The following MARCHF7 variants were observed in gnomAD, a reference collection of about 807,000 sequenced individuals.
MARCHF7 encodes membrane associated ring-CH-type finger 7, also known as E3 ubiquitin-protein ligase MARCHF7.
MARCHF7 carries 20 observed loss-of-function variants against 76.5 expected under a neutral mutation model. The observed-to-expected ratio is 0.26, with a 90% CI of 0.18 to 0.38. MARCHF7 has a LOEUF of 0.38. Ranked by LOEUF, MARCHF7 falls within the 10% of genes least tolerant of loss-of-function variation. The pLI is 1.00. For synonymous variants in MARCHF7, 295 were observed against 293.0 expected (o/e 1.01, Z -0.07); for missense variants, 797 against 812.9 (o/e 0.98, Z 0.24).
At chr2:159,719,066 C>T (rs1559988544) in intron 3 of MARCHF7, among the ~76,000 whole-genome samples, 1 of 152,136 alleles carries the variant, frequency 6.6e-6, no homozygotes, top group Non-Finnish European at 1.5e-5. Flanking sequence ...CCTTCACCTC[C>T]CCAGGCTCAG....
intron 7 of MARCHF7, among the ~76,000 whole-genome samples, chr2:159,750,353 T>C (rs1705481089): frequency 6.6e-6 from 1 of 152,170 alleles, no homozygotes; most frequent in African/African-American, 2.4e-5. Flanking sequence ...GCTGAAACCC[T>C]GTCTCTATTA....
At chr2:159,716,031 T>G (rs1402802005) in intron 3 of MARCHF7, among the ~76,000 whole-genome samples, 1 of 152,186 alleles carries the variant, frequency 6.6e-6, no homozygotes, top group Non-Finnish European at 1.5e-5. Flanking sequence ...AACATCATAG[T>G]CATATTTTCT....
At chr2:159,737,545 G>A (rs1486956137) in intron 4 of MARCHF7, among the ~76,000 whole-genome samples, 2 of 152,158 alleles carry the variant, frequency 1.3e-5, no homozygotes, top group African/African-American at 4.8e-5. Flanking sequence ...GGCCTGAGTT[G>A]GGAGGCCAAA....
At position 159,767,444 on chromosome 2, in the gene MARCHF7, G is replaced by A; in HGVS notation, c.*102G>A. Reference sequence around the variant, plus strand: ...TGGGGGAATGCCTAATAAATACATTGACTATATATAAAATGAATATATACA... The same window carrying A: ...TGGGGGAATGCCTAATAAATACATTAACTATATATAAAATGAATATATACA... On this transcript the variant is annotated 3_prime_UTR_variant, in exon 12 of 12. Transcript: ENST00000409175. 1 of 734,054 alleles carries A rather than the reference G, an allele frequency of 1.4e-6. No individual in the cohort carries two copies. Among genetic ancestry groups the A allele is most frequent in the Non-Finnish European group, 2.3e-6 (1 of 433,504 alleles). 45.5% of individuals were successfully genotyped at this position (734,054 alleles called of 1,614,324 possible). A position where few individuals can be genotyped will look rare whatever the true frequency, so the allele number is the denominator to read the frequency against.
At chr2:159,766,398 T>A (rs1050300555) in intron 11 of MARCHF7, among the ~76,000 whole-genome samples, 28 of 152,202 alleles carry the variant, frequency 1.8e-4, no homozygotes, top group African/African-American at 6.5e-4. Flanking sequence ...CTAGGTTGAT[T>A]CCATTTGTTG....
At chr2:159,720,080 C>T (rs1436260813) in intron 3 of MARCHF7, among the ~76,000 whole-genome samples, 1 of 152,170 alleles carries the variant, frequency 6.6e-6, no homozygotes, top group Non-Finnish European at 1.5e-5. Context: ...GGCTGGGGTG[C>T]AGTGGTGCCA....
At chr2:159,744,795 C>T (rs974896645) in intron 5 of MARCHF7, among the ~76,000 whole-genome samples, 2 of 151,998 alleles carry the variant, frequency 1.3e-5, no homozygotes, top group Non-Finnish European at 1.5e-5. Context: ...ATACTCTAGG[C>T]CATTTCTCTT....
chr2:159,742,247 AT>A (rs879452204), intron 4 of MARCHF7, among the ~76,000 whole-genome samples: 139 of 146,026 alleles, frequency 9.5e-4, no homozygotes, highest in Admixed American at 7.6e-4. Context: ...TGATGTTAGG[AT>A]TTTTTTTTTT....
At chr2:159,736,149 C>G (rs974578840) in intron 4 of MARCHF7, among the ~76,000 whole-genome samples, 2 of 152,158 alleles carry the variant, frequency 1.3e-5, no homozygotes, top group Non-Finnish European at 2.9e-5. Context: ...AATGGAATTG[C>G]CGAGTCATGC....
At chr2:159,723,121 A>G (rs1701810254) in intron 3 of MARCHF7, among the ~76,000 whole-genome samples, 1 of 152,238 alleles carries the variant, frequency 6.6e-6, no homozygotes, top group African/African-American at 2.4e-5. Flanking sequence ...CACATCTGCT[A>G]CTTGTTAAAT....
At chr2:159,764,548 G>T in intron 10 of MARCHF7, 78 bp from the exon 11 acceptor site, 1 of 1,092,966 alleles carries the variant, frequency 9.1e-7, no homozygotes, top group South Asian at 2.1e-5. Flanking sequence ...AAGTAGAAAT[G>T]AATCTCCTAT....
At chr2:159,728,694 A>G (rs1467872791) in intron 3 of MARCHF7, among the ~76,000 whole-genome samples, 2 of 152,222 alleles carry the variant, frequency 1.3e-5, no homozygotes, top group Non-Finnish European at 2.9e-5. Flanking sequence ...CAAGAGAGTC[A>G]AGGACAAATT....
At chr2:159,734,185 T>C (rs927222026) in intron 4 of MARCHF7, 1 of 990,680 alleles carries the variant, frequency 1.0e-6, no homozygotes, top group Non-Finnish European at 1.3e-6. Flanking sequence ...TGTATTTTTC[T>C]GTAACTTTAA....
intron 3 of MARCHF7, among the ~76,000 whole-genome samples, chr2:159,716,666 A>G (rs935026406): frequency 6.6e-6 from 1 of 151,968 alleles, no homozygotes; most frequent in African/African-American, 2.4e-5. Flanking sequence ...GATAGATTAC[A>G]TTGGTATTTT....
intron 3 of MARCHF7, among the ~76,000 whole-genome samples, chr2:159,719,235 G>A (rs1165519943): frequency 3.3e-5 from 5 of 151,976 alleles, no homozygotes; most frequent in Non-Finnish European, 5.9e-5. Context: ...TTGTAGAGAC[G>A]GGGTGTCAAT....
At chr2:159,755,987 C>T (rs892870373) in intron 8 of MARCHF7, among the ~76,000 whole-genome samples, 14 of 152,174 alleles carry the variant, frequency 9.2e-5, no homozygotes, top group African/African-American at 3.4e-4. Context: ...GGGCTCTGAA[C>T]AAGCTGTCTC....
chr2:159,714,330 A>G (rs1335809791), intron 1 of MARCHF7, among the ~76,000 whole-genome samples: 6 of 152,234 alleles, frequency 3.9e-5, no homozygotes, highest in Admixed American at 6.5e-5. Context: ...TGAGCTTGAC[A>G]TGGCATCTGC....
intron 3 of MARCHF7, among the ~76,000 whole-genome samples, chr2:159,727,947 C>G (rs149366772): frequency 7.2e-4 from 109 of 152,316 alleles, no homozygotes; most frequent in African/African-American, 2.4e-3. Context: ...GGAAAGCACT[C>G]AGTTCCACAA....
intron 4 of MARCHF7, among the ~76,000 whole-genome samples, chr2:159,731,414 T>A (rs1319786649): frequency 6.6e-6 from 1 of 152,162 alleles, no homozygotes; most frequent in South Asian, 2.1e-4. Flanking sequence ...ATATGACCGT[T>A]TTCAAACTGT....
Sources: allele counts gnomAD v4.1 joint callset (sites outside exome capture counted in the v4.1 genomes callset), GRCh38; gene constraint gnomAD v4.1.1; transcripts MANE v1.5; gene names NCBI Gene and HGNC (gene_info 2026-07-23, HGNC 2026-07-21).